Variants in ZNF33A observed in about 807,000 individuals in gnomAD.
The protein encoded by ZNF33A is zinc finger protein 33A, also known as brain my041 protein.
In ZNF33A, 9 loss-of-function variants were observed where a neutral mutation model predicts 15.9. The observed-to-expected ratio is 0.57, with a 90% CI of 0.34 to 0.99. ZNF33A has a LOEUF of 0.99. Among genes scored for constraint, ZNF33A ranks in the 50% least tolerant of loss-of-function variants. The probability of loss-of-function intolerance (pLI) is 0.02; values close to 1 mark genes in which losing one functional copy is unlikely to be tolerated. For missense variants in ZNF33A, 843 were observed against 941.6 expected, an observed-to-expected ratio of 0.90 and a Z score of 1.37; for synonymous variants, 294 against 324.2, an observed-to-expected ratio of 0.91 and a Z score of 1.00.
chr10:38,058,525 A>G lies in ZNF33A; in HGVS notation c.*1965A>G, dbSNP rs2066577750. ...TTCATGCCTGTAATCCCAGCACTTC[A>G]CTTTGGGAGGCTGAGGCGGGTGGAT... is the stretch of plus-strand genomic sequence containing the variant. On this transcript the variant is annotated 3_prime_UTR_variant, in exon 5 of 5. Coordinates refer to ENST00000432900, the MANE Select transcript of ZNF33A (RefSeq NM_006954.2). 1 of 152,202 alleles carries G rather than the reference A, an allele frequency of 6.6e-6. No individual in the cohort carries two copies. The highest frequency in any genetic ancestry group is 1.5e-5 in the Non-Finnish European group (1 of 68,042). The allele number at this position is 152,202 out of a possible 1,614,324, so 9.4% of individuals were successfully genotyped here. A position where few individuals can be genotyped will look rare whatever the true frequency, so the allele number is the denominator to read the frequency against.
At chr10:38,042,189 C>CTTT (rs565727738) in intron 4 of ZNF33A, among the ~76,000 whole-genome samples, 1 of 146,768 alleles carries the variant, frequency 6.8e-6, no homozygotes. Context: ...GTTCCTCTGT[C>CTTT]TTTTTTTTTT....
downstream of ZNF33A, chr10:38,064,227 G>T: frequency 1.0e-6 from 1 of 988,000 alleles, no homozygotes; most frequent in Non-Finnish European, 1.5e-6. Context: ...TGGGGATGGT[G>T]GTCACATCTC....
At chr10:38,031,770 C>A (rs562822042) in intron 4 of ZNF33A, among the ~76,000 whole-genome samples, 1 of 151,796 alleles carries the variant, frequency 6.6e-6, no homozygotes, top group African/African-American at 2.4e-5. Flanking sequence ...GGAGACCATC[C>A]GGGCCAACAT....
rs10658326 is a variant in ZNF33A, at chr10:38,014,035, A to ATTTTTTTTTT, written c.9+1704_9+1713dup. ...AAAGCCCCAAATTTAATGATGTCTG[A>ATTTTTTTTTT]TTTTTTTTTTTTTTTTTTTTTTTTT... On this transcript the variant is annotated intron_variant, in intron 2 of 4. Transcript: ENST00000432900. Among the ~76,000 whole-genome samples, 28 of 80,384 alleles carry ATTTTTTTTTT rather than the reference A, an allele frequency of 3.5e-4. 6 individuals carry two copies. Among genetic ancestry groups the ATTTTTTTTTT allele is most frequent in the African/African-American group, 1.1e-3 (20 of 18,084 alleles). The allele number at this position is 80,384 out of a possible 152,430, so 52.7% of individuals were successfully genotyped here.
At chr10:38,060,401 A>G (rs1357413636), downstream of ZNF33A, among the ~76,000 whole-genome samples, 1 of 152,058 alleles carries the variant, frequency 6.6e-6, no homozygotes, top group Non-Finnish European at 1.5e-5. Context: ...TGGAATTATC[A>G]CCAAACCCCT....
chr10:38,051,795 C>T (rs888215838), intron 4 of ZNF33A, among the ~76,000 whole-genome samples: 5 of 151,980 alleles, frequency 3.3e-5, no homozygotes, highest in African/African-American at 1.2e-4. Context: ...AACTGCCTCA[C>T]ATTTTTATTT....
At chr10:38,067,002 A>G (rs1362335963), downstream of ZNF33A, among the ~76,000 whole-genome samples, 12 of 152,162 alleles carry the variant, frequency 7.9e-5, no homozygotes, top group Admixed American at 2.6e-4. Flanking sequence ...CACTGACCTC[A>G]CTGTCCTCAA....
chr10:38,037,132 T>C (rs1039823311), intron 4 of ZNF33A, among the ~76,000 whole-genome samples: 4 of 152,184 alleles, frequency 2.6e-5, no homozygotes, highest in African/African-American at 9.6e-5. Context: ...TGGTACTTTA[T>C]CTAAGAGGGC....
At position 38,055,430 on chromosome 10, in the gene ZNF33A, A is replaced by G; in HGVS notation, c.1306A>G (p.Thr436Ala). The G allele has an allele frequency of 6.2e-7, 1 of 1,614,148 alleles. No individual in the cohort carries two copies. Among genetic ancestry groups the G allele is most frequent in the Non-Finnish European group, 8.5e-7 (1 of 1,180,018 alleles). The change falls in exon 5 of 5, where the codon ACA becomes GCA. Residue 436 changes from threonine to alanine, a missense_variant. Physicochemically the swap from Thr to Ala is moderately conservative, Grantham distance 58. Coordinates refer to ENST00000432900, the MANE Select transcript of ZNF33A (RefSeq NM_006954.2). Reference protein sequence around the residue: ...SDLTKHQRTHTGLKPYECYEC... With the variant: ...SDLTKHQRTHAGLKPYECYEC... ...CCTCACTAAACATCAGAGAACACAC[A>G]CAGGGCTGAAACCCTATGAATGTTA...
chr10:38,036,714 C>G (rs916938670), intron 4 of ZNF33A, among the ~76,000 whole-genome samples: 3 of 152,156 alleles, frequency 2.0e-5, no homozygotes, highest in Non-Finnish European at 4.4e-5. Flanking sequence ...CACTCTTACT[C>G]AACATCTCAT....
At chr10:38,061,151 C>G (rs1564891752), downstream of ZNF33A, among the ~76,000 whole-genome samples, 1 of 152,140 alleles carries the variant, frequency 6.6e-6, no homozygotes, top group Non-Finnish European at 1.5e-5. Context: ...TTACTGCACA[C>G]CCCTGGCTTG....
At chr10:38,042,189 CTT>C (rs565727738) in intron 4 of ZNF33A, among the ~76,000 whole-genome samples, 1 of 146,742 alleles carries the variant, frequency 6.8e-6, no homozygotes. Flanking sequence ...GTTCCTCTGT[CTT>C]TTTTTTTTTT....
chr10:38,046,945 A>G (rs1184541025), intron 4 of ZNF33A, among the ~76,000 whole-genome samples: 1 of 151,604 alleles, frequency 6.6e-6, no homozygotes, highest in Non-Finnish European at 1.5e-5. Flanking sequence ...AGGCCAAGGG[A>G]AGGATCTCCT....
intron 4 of ZNF33A, among the ~76,000 whole-genome samples, chr10:38,030,954 C>G (rs756130369): frequency 1.3e-5 from 2 of 152,096 alleles, no homozygotes; most frequent in South Asian, 4.2e-4. Flanking sequence ...AGAACTGATT[C>G]GTGGTTGCCA....
At chr10:38,011,064 A>AG (rs1434820696) in intron 1 of ZNF33A, among the ~76,000 whole-genome samples, 1 of 151,506 alleles carries the variant, frequency 6.6e-6, no homozygotes, top group Admixed American at 6.6e-5. Flanking sequence ...GCCTTGCGGG[A>AG]GGGGCAGTTC....
At chr10:38,061,986 T>C (rs1327231183), downstream of ZNF33A, among the ~76,000 whole-genome samples, 2 of 152,122 alleles carry the variant, frequency 1.3e-5, no homozygotes, top group South Asian at 2.1e-4. Flanking sequence ...CAAGTCATGT[T>C]GAAACTGAAT....
At position 38,013,692 on chromosome 10, in the gene ZNF33A, C is replaced by A. The variant is rs564116308; in HGVS notation, c.9+1342C>A. 4.8e-4 allele frequency among the ~76,000 whole-genome samples: 73 copies of A among 152,130 alleles called. 1 individual carries two copies. In the Middle Eastern group the frequency reaches 0.014, roughly 28 times the overall value. The stretch of plus-strand genomic sequence containing the variant: ...CAGGCTGGTCTCAGTCTCCTGACCT[C>A]GTGATCCCCCACCTTGGCCTCCCAA... On this transcript the variant is annotated intron_variant, in intron 2 of 4. Coordinates refer to ENST00000432900, the MANE Select transcript of ZNF33A (RefSeq NM_006954.2).
intron 4 of ZNF33A, among the ~76,000 whole-genome samples, chr10:38,020,070 A>G (rs1013743777): frequency 6.6e-6 from 1 of 152,182 alleles, no homozygotes; most frequent in African/African-American, 2.4e-5. Context: ...TAGAAACACT[A>G]TAAATAAACC....
chr10:38,066,815 C>G (rs890430771), downstream of ZNF33A, among the ~76,000 whole-genome samples: 26 of 152,088 alleles, frequency 1.7e-4, no homozygotes, highest in African/African-American at 6.3e-4. Context: ...ACTGGTAATC[C>G]CAGCTACTCG....
Sources: allele counts gnomAD v4.1 joint callset (sites outside exome capture counted in the v4.1 genomes callset), GRCh38; gene constraint gnomAD v4.1.1; transcripts MANE v1.5; gene names NCBI Gene and HGNC (gene_info 2026-07-23, HGNC 2026-07-21).